Variants in TRPM6 observed in about 807,000 individuals in gnomAD.
TRPM6 encodes channel kinase 2.
TRPM6 carries 111 observed loss-of-function variants against 247.6 expected under a neutral mutation model. The ratio of observed to expected loss-of-function variants is 0.45; its 90% CI spans 0.38 to 0.52. The LOEUF (loss-of-function observed/expected upper bound fraction) is 0.52, where lower values mean the gene tolerates loss of function less well. TRPM6 is among the 20% of genes least tolerant of loss of function. TRPM6 has a pLI of 0.00. For synonymous variants in TRPM6, 892 were observed against 853.8 expected, an observed-to-expected ratio of 1.04 and a Z score of -0.78; for missense variants, 2,126 against 2,421.5, an observed-to-expected ratio of 0.88 and a Z score of 2.56.
chr9:74,856,461 GTGTGTC>G (rs1554729612), intron 2 of TRPM6, among the ~76,000 whole-genome samples: 1 of 102,318 alleles, frequency 9.8e-6, no homozygotes, highest in Non-Finnish European at 1.9e-5. Flanking sequence ...GTGTGTGTGT[GTGTGTC>G]TGTGTGTGTG....
At chr9:74,780,922 T>C (rs1827416964) in intron 23 of TRPM6, among the ~76,000 whole-genome samples, 1 of 152,162 alleles carries the variant, frequency 6.6e-6, no homozygotes, top group Admixed American at 6.5e-5. Flanking sequence ...TGGGAAAGAC[T>C]ACATTAAATA....
chr9:74,847,481 T>C (rs993680333), intron 3 of TRPM6, among the ~76,000 whole-genome samples: 1 of 152,122 alleles, frequency 6.6e-6, no homozygotes, highest in Non-Finnish European at 1.5e-5. Flanking sequence ...AAGATGTTAA[T>C]TTGCATTCAA....
chr9:74,874,165 G>A (rs896875503), intron 1 of TRPM6, among the ~76,000 whole-genome samples: 1 of 151,808 alleles, frequency 6.6e-6, no homozygotes, highest in Non-Finnish European at 1.5e-5. Context: ...GAACCTAGGA[G>A]GCAGAGATTG....
intron 37 of TRPM6, among the ~76,000 whole-genome samples, chr9:74,731,664 A>G (rs901571632): frequency 1.3e-5 from 2 of 149,560 alleles, no homozygotes; most frequent in African/African-American, 4.9e-5. Flanking sequence ...AAAATTTCAG[A>G]TTTTATTGAT....
chr9:74,864,224 A>G (rs1830776973), intron 1 of TRPM6, among the ~76,000 whole-genome samples: 1 of 152,242 alleles, frequency 6.6e-6, no homozygotes, highest in Non-Finnish European at 1.5e-5. Flanking sequence ...CAATATTTTC[A>G]GACTCCAGAT....
intron 1 of TRPM6, among the ~76,000 whole-genome samples, chr9:74,859,773 CA>C (rs946269078): frequency 0.055 from 4,143 of 75,954 alleles, 138 homozygotes; most frequent in African/African-American, 0.16. Flanking sequence ...GACTCTGTCT[CA>C]AAAAAAAAAA....
intron 23 of TRPM6, among the ~76,000 whole-genome samples, chr9:74,776,857 C>G (rs1827243599): frequency 6.6e-6 from 1 of 152,114 alleles, no homozygotes; most frequent in Admixed American, 6.5e-5. Context: ...CTTTTTAAAA[C>G]AATTCTTCTT....
chr9:74,828,264 G>A (rs1045666543), intron 6 of TRPM6, among the ~76,000 whole-genome samples: 2 of 152,158 alleles, frequency 1.3e-5, no homozygotes, highest in Non-Finnish European at 2.9e-5. Context: ...GCTGAGGCAG[G>A]AGAATTGCTT....
chr9:74,852,905 G>A (rs79658358), intron 3 of TRPM6, among the ~76,000 whole-genome samples: 2,099 of 152,284 alleles, frequency 0.014, 58 homozygotes, highest in African/African-American at 0.048. Flanking sequence ...CCTCTGCCCA[G>A]CAGCCACCCC....
intron 32 of TRPM6, among the ~76,000 whole-genome samples, chr9:74,743,391 A>T (rs993255362): frequency 2.6e-5 from 4 of 152,230 alleles, no homozygotes; most frequent in Non-Finnish European, 5.9e-5. Context: ...GATTTGTAAA[A>T]GGCTTGCCCA....
chr9:74,762,689 C>T lies in TRPM6; in HGVS notation c.3982G>A (p.Val1328Ile). 6.2e-7 allele frequency: 1 copy of T among 1,614,160 alleles called. No individual in the cohort carries two copies. Among genetic ancestry groups the T allele is most frequent in the Non-Finnish European group, 8.5e-7 (1 of 1,180,032 alleles). ...ERQETQSSIV[V>I]SGVSPNRQAH... ...TGCCTGTTAGGAGACACCCCAGAAA[C>T]CACTATACTACTTTGTGTTTCTTGC... The change falls in exon 26 of 39, where the codon GTT (valine) becomes ATT (isoleucine). Residue 1328 changes from valine (V) to isoleucine (I), a missense_variant. Physicochemically the swap from Val to Ile is conservative, Grantham distance 29 (BLOSUM62 3). This residue lies in a region of TRPM6 where 717 missense variants were observed against 715.9 expected (regional missense o/e 1.00). Transcript: ENST00000360774.
intron 3 of TRPM6, among the ~76,000 whole-genome samples, chr9:74,843,748 G>A (rs1268098934): frequency 6.6e-6 from 1 of 150,854 alleles, no homozygotes; most frequent in African/African-American, 2.4e-5. Flanking sequence ...CCAGGAGGTG[G>A]AGCTTGCAGT....
At chr9:74,832,766 A>G (rs1216540339) in intron 6 of TRPM6, among the ~76,000 whole-genome samples, 1 of 152,162 alleles carries the variant, frequency 6.6e-6, no homozygotes, top group Non-Finnish European at 1.5e-5. Context: ...CAAAGTTAAA[A>G]CAGGCTGGGT....
chr9:74,724,158 A>C lies in TRPM6; in HGVS notation c.*455T>G, dbSNP rs1825237193. The C allele has an allele frequency of 5.1e-6, 1 of 194,480 alleles. No individual in the cohort carries two copies. Among genetic ancestry groups the C allele is most frequent in the South Asian group, 1.0e-4 (1 of 9,742 alleles). 12.0% of individuals were successfully genotyped at this position (194,480 alleles called of 1,614,324 possible). On this transcript the variant is annotated 3_prime_UTR_variant, in exon 39 of 39. Coordinates refer to ENST00000360774, the MANE Select transcript of TRPM6 (RefSeq NM_017662.5). ...TGTGGAAAAGACAGAGGAGGAAATC[A>C]CATAACTTTTTATGAACATATATAT...
At chr9:74,784,030 C>T (rs919218988) in intron 21 of TRPM6, among the ~76,000 whole-genome samples, 16 of 152,142 alleles carry the variant, frequency 1.1e-4, no homozygotes, top group African/African-American at 1.9e-4. Context: ...CCGAGGCGAG[C>T]GGATCACTTG....
At chr9:74,801,831 A>C in intron 16 of TRPM6, 67 bp downstream of exon 16, 3 of 1,575,174 alleles carry the variant, frequency 1.9e-6, no homozygotes, top group Non-Finnish European at 2.6e-6. Context: ...AAGATGAGAG[A>C]GATAAAAGTG....
chr9:74,763,004 T>C lies in TRPM6; in HGVS notation c.3667A>G (p.Lys1223Glu). The change falls in exon 26 of 39, where the codon AAA (lysine) becomes GAA (glutamate). Residue 1223 changes from lysine to glutamate, a missense_variant. Transcript: ENST00000360774. ...DLSALTVDTLKVLSAVDTLQE... is the reference protein window; with the variant it reads ...DLSALTVDTLEVLSAVDTLQE... Reference sequence around the variant, plus strand: ...AAAGTGTCAACAGCAGAAAGGACTTTCAGGGTATCCACAGTCAGGGCAGAG... The same window carrying C: ...AAAGTGTCAACAGCAGAAAGGACTTCCAGGGTATCCACAGTCAGGGCAGAG... 6.2e-7 allele frequency: 1 copy of C among 1,613,700 alleles called. No homozygotes were observed. The highest frequency in any genetic ancestry group is 8.5e-7 in the Non-Finnish European group (1 of 1,179,636).
At chr9:74,728,701 GAATACCCCAAAGGT>G (rs1172612845) in intron 37 of TRPM6, among the ~76,000 whole-genome samples, 2 of 152,146 alleles carry the variant, frequency 1.3e-5, no homozygotes, top group African/African-American at 4.8e-5. Context: ...TGTTCTACTA[GAATACCCCAAAGGT>G]AAGATATAAA....
chr9:74,735,613 T>G (rs1439292016), intron 36 of TRPM6, among the ~76,000 whole-genome samples: 2 of 152,072 alleles, frequency 1.3e-5, no homozygotes, highest in Non-Finnish European at 2.9e-5. Flanking sequence ...TGTTGAAAAA[T>G]ACAATGAGCT....
Sources: gnomAD v4.1 joint callset for allele counts (sites outside exome capture counted in the v4.1 genomes callset) on GRCh38, gnomAD v4.1.1 for gene constraint, gnomAD v4.1.1 regional missense constraint, MANE v1.5 for transcripts, NCBI Gene and HGNC (gene_info 2026-07-23, HGNC 2026-07-21) for gene names.